The following C14orf180 variants were observed in gnomAD, a reference collection of about 807,000 sequenced individuals.
C14orf180 encodes nutritionally-regulated adipose and cardiac enriched protein homolog.
C14orf180 carries 13 observed loss-of-function variants against 13.9 expected under a neutral mutation model. That is an observed-to-expected ratio of 0.94 (90% CI 0.61 to 1.49). The LOEUF (loss-of-function observed/expected upper bound fraction) is 1.49, where lower values mean the gene tolerates loss of function less well. Ranked by LOEUF, C14orf180 falls within the 40% of genes most tolerant of loss-of-function variation. The probability of loss-of-function intolerance (pLI) is 0.00; values close to 1 mark genes in which losing one functional copy is unlikely to be tolerated. For missense variants in C14orf180, 238 were observed against 232.0 expected (o/e 1.03, Z -0.17); for synonymous variants, 113 against 106.3 (o/e 1.06, Z -0.39).
intron 1 of C14orf180, chr14:104,581,533 A>C (rs2140454352): frequency 6.6e-6 from 1 of 152,248 alleles, no homozygotes; most frequent in East Asian, 1.9e-4. Flanking sequence ...GCTCTGGTTC[A>C]CACCCTGCGA....
intron 1 of C14orf180, among the ~76,000 whole-genome samples, chr14:104,582,169 G>A (rs1336290125): frequency 3.9e-5 from 6 of 152,204 alleles, no homozygotes; most frequent in African/African-American, 1.2e-4. Context: ...CACGGGCCAG[G>A]CAGAGGCAGC....
chr14:104,586,591 G>C, intron 2 of C14orf180, 50 bp downstream of exon 2: 1 of 1,209,974 alleles, frequency 8.3e-7, no homozygotes, highest in Non-Finnish European at 1.1e-6. Context: ...CTTCCACTGG[G>C]GGCTGGAGGG....
chr14:104,579,938 A>C lies in C14orf180; in HGVS notation c.-82A>C, dbSNP rs905632249. On this transcript the variant is annotated 5_prime_UTR_variant, in exon 1 of 5. Coordinates refer to ENST00000557649, the MANE Select transcript of C14orf180 (RefSeq NM_001008404.3). ...CCAAGAGGGTCCAGGACCTCACTGG[A>C]CTGTGCCCCACAGGGAGATCCCGAA... 6.6e-6 allele frequency: 1 copy of C among 152,416 alleles called. No individual in the cohort carries two copies. The highest frequency in any genetic ancestry group is 2.4e-5 in the African/African-American group (1 of 41,458). The allele number at this position is 152,416 out of a possible 1,614,324, so 9.4% of individuals were successfully genotyped here. A position where few individuals can be genotyped will look rare whatever the true frequency, so the allele number is the denominator to read the frequency against.
In C14orf180 at chr14:104,590,023, C is replaced by G. The variant is rs899097312; in HGVS notation, c.*1240C>G. ...AAGCCCCTGGGTCTTGAGGGATGCC[C>G]GGCCGGCTCCCTTTGCCCTGCAGTC... On this transcript the variant is annotated 3_prime_UTR_variant, in exon 5 of 5. Coordinates refer to ENST00000557649, the MANE Select transcript of C14orf180 (RefSeq NM_001008404.3). The G allele has an allele frequency of 6.6e-6, 1 of 152,186 alleles. No individual in the cohort carries two copies. Among genetic ancestry groups the G allele is most frequent in the East Asian group, 1.9e-4 (1 of 5,186 alleles). The allele number at this position is 152,186 out of a possible 1,614,324, so 9.4% of individuals were successfully genotyped here.
At chr14:104,586,250 TG>T (rs897529623) in intron 1 of C14orf180, among the ~76,000 whole-genome samples, 164 bp from the exon 2 acceptor site, 2 of 152,314 alleles carry the variant, frequency 1.3e-5, no homozygotes, top group African/African-American at 4.8e-5. Flanking sequence ...TTACCTGCAC[TG>T]GGGACACCAC....
intron 1 of C14orf180, among the ~76,000 whole-genome samples, chr14:104,586,156 G>T (rs1886609768): frequency 6.6e-6 from 1 of 152,226 alleles, no homozygotes; most frequent in South Asian, 2.1e-4. Flanking sequence ...ATATTATGCA[G>T]CCATTAAAGA....
At chr14:104,581,943 G>A (rs1424866646) in intron 1 of C14orf180, among the ~76,000 whole-genome samples, 2 of 152,178 alleles carry the variant, frequency 1.3e-5, no homozygotes, top group East Asian at 3.9e-4. Context: ...GGGGCCGCAC[G>A]CTCAGAGCCG....
chr14:104,585,891 G>A (rs899247939), intron 1 of C14orf180, among the ~76,000 whole-genome samples: 1 of 152,090 alleles, frequency 6.6e-6, no homozygotes, highest in African/African-American at 2.4e-5. Context: ...GCCCAGGGGC[G>A]CCCCACCAGC....
At chr14:104,585,539 G>A (rs1297877936) in intron 1 of C14orf180, among the ~76,000 whole-genome samples, 3 of 152,228 alleles carry the variant, frequency 2.0e-5, no homozygotes, top group Non-Finnish European at 4.4e-5. Context: ...CCAAAGACAC[G>A]GGGGTGGAGG....
At chr14:104,588,505 T>A (rs1046822556) in intron 4 of C14orf180, 73 bp from the exon 5 acceptor site, 45 of 1,439,198 alleles carry the variant, frequency 3.1e-5, no homozygotes, top group Non-Finnish European at 4.0e-5. Flanking sequence ...CCCCATCCCT[T>A]CCCCACCAGC....
chr14:104,585,994 C>A (rs895454783), intron 1 of C14orf180, among the ~76,000 whole-genome samples: 1 of 152,212 alleles, frequency 6.6e-6, no homozygotes, highest in African/African-American at 2.4e-5. Flanking sequence ...AGCCCCAGGG[C>A]TTCCCGCTAC....
At chr14:104,586,782 A>AGTGGGAGCCATGGAGGGCT (rs1467837459) in intron 2 of C14orf180, among the ~76,000 whole-genome samples, 1 of 152,164 alleles carries the variant, frequency 6.6e-6, no homozygotes. Flanking sequence ...TGGCAGAGGA[A>AGTGGGAGCCATGGAGGGCT]GTGGGAGCCA....
chr14:104,581,972 C>T (rs924875073), intron 1 of C14orf180, among the ~76,000 whole-genome samples: 3 of 151,460 alleles, frequency 2.0e-5, no homozygotes, highest in Admixed American at 6.6e-5. Context: ...CAGTGCCAGG[C>T]GAGGGGTGAG....
At chr14:104,588,100 G>A (rs901268023) in intron 3 of C14orf180, among the ~76,000 whole-genome samples, 174 bp from the exon 4 acceptor site, 3 of 152,188 alleles carry the variant, frequency 2.0e-5, no homozygotes, top group Admixed American at 6.5e-5. Flanking sequence ...ACATGAGGGC[G>A]GATTCTCAAA....
chr14:104,580,269 C>A lies in C14orf180; in HGVS notation c.-17+266C>A, dbSNP rs545730305. On this transcript the variant is annotated intron_variant, in intron 1 of 4. Transcript: ENST00000557649. ...ACCTGAACAAGCTCCAGAGTGGCCA[C>A]CCTTCCCCCTTCTCCTGGGACTGAT... is the stretch of plus-strand genomic sequence containing the variant. 2.0e-5 allele frequency among the ~76,000 whole-genome samples: 3 copies of A among 152,278 alleles called. No individual in the cohort carries two copies. The South Asian group carries it at 6.2e-4, about 32-fold the overall frequency.
chr14:104,582,823 A>G (rs1244863723), intron 1 of C14orf180, among the ~76,000 whole-genome samples: 1 of 151,934 alleles, frequency 6.6e-6, no homozygotes, highest in African/African-American at 2.4e-5. Context: ...CTCTGAAGCT[A>G]TTTTCCGCCC....
rs1024157363 is a variant in C14orf180 at position 104,580,926 on chromosome 14, G to C, written c.-17+923G>C. ...CATCACCCGGTACTGCTGCTACCTC[G>C]AGCCCTAACTGCACCTCGGGATGTG... is the stretch of plus-strand genomic sequence containing the variant. On this transcript the variant is annotated intron_variant, in intron 1 of 4. Transcript: ENST00000557649. Among the ~76,000 whole-genome samples the C allele has an allele frequency of 1.1e-4, 17 of 152,334 alleles. No individual in the cohort carries two copies. In the East Asian group the frequency reaches 1.9e-3, roughly 17 times the overall value.
intron 3 of C14orf180, 21 bp from the exon 4 acceptor site, chr14:104,588,253 A>C: frequency 6.2e-7 from 1 of 1,613,552 alleles, no homozygotes; most frequent in Non-Finnish European, 8.5e-7. Context: ...CCCCCAGCTG[A>C]CTCTCCATTC....
intron 2 of C14orf180, among the ~76,000 whole-genome samples, chr14:104,587,457 C>T (rs570473324): frequency 6.6e-6 from 1 of 152,208 alleles, no homozygotes; most frequent in African/African-American, 2.4e-5. Flanking sequence ...CAGCAGCCTG[C>T]ATCCGAGACA....
Sources: gnomAD v4.1 joint callset for allele counts (sites outside exome capture counted in the v4.1 genomes callset) on GRCh38, gnomAD v4.1.1 for gene constraint, MANE v1.5 for transcripts, NCBI Gene and HGNC (gene_info 2026-07-23, HGNC 2026-07-21) for gene names.